BICD1: variants seen among roughly 807,000 people sequenced by gnomAD.
BICD1 encodes protein bicaudal D homolog 1.
BICD1 carries 35 observed loss-of-function variants against 92.5 expected under a neutral mutation model. The ratio of observed to expected loss-of-function variants is 0.38; its 90% CI spans 0.29 to 0.50. BICD1 has a LOEUF of 0.50. Ranked by LOEUF, BICD1 falls within the 20% of genes least tolerant of loss-of-function variation. The probability of loss-of-function intolerance (pLI) is 0.93; values close to 1 mark genes in which losing one functional copy is unlikely to be tolerated. For missense variants in BICD1, 950 were observed against 1,189.8 expected, an observed-to-expected ratio of 0.80 and a Z score of 2.97; for synonymous variants, 429 against 465.1, an observed-to-expected ratio of 0.92 and a Z score of 1.00.
chr12:32,303,080 G>T (rs540784386), intron 3 of BICD1, among the ~76,000 whole-genome samples: 24 of 151,694 alleles, frequency 1.6e-4, no homozygotes, highest in Non-Finnish European at 3.2e-4. Flanking sequence ...GACTATAGGT[G>T]CACGCCACCA....
intron 2 of BICD1, among the ~76,000 whole-genome samples, chr12:32,263,626 A>T (rs1439566621): frequency 6.6e-6 from 1 of 152,168 alleles, no homozygotes; most frequent in African/African-American, 2.4e-5. Context: ...AATGCATGCT[A>T]AATAATTATT....
At chr12:32,188,198 A>G (rs1184669550) in intron 1 of BICD1, among the ~76,000 whole-genome samples, 1 of 152,202 alleles carries the variant, frequency 6.6e-6, no homozygotes, top group Non-Finnish European at 1.5e-5. Flanking sequence ...TCGGCCTCCC[A>G]AAGTACTGGG....
chr12:32,254,849 T>C (rs564963176), intron 2 of BICD1, among the ~76,000 whole-genome samples: 2 of 152,316 alleles, frequency 1.3e-5, no homozygotes, highest in Non-Finnish European at 2.9e-5. Flanking sequence ...AATTAGTCTG[T>C]TTTGTTCTCC....
intron 1 of BICD1, among the ~76,000 whole-genome samples, chr12:32,166,007 A>T (rs942846341): frequency 2.6e-5 from 4 of 152,164 alleles, no homozygotes; most frequent in African/African-American, 9.7e-5. Flanking sequence ...TGATCATACT[A>T]TGAAGCAGAG....
At chr12:32,351,730 C>T (rs1372755982) in intron 8 of BICD1, among the ~76,000 whole-genome samples, 2 of 150,290 alleles carry the variant, frequency 1.3e-5, no homozygotes, top group Non-Finnish European at 3.0e-5. Context: ...TGGTAAAACC[C>T]CATCTCTACT....
intron 1 of BICD1, among the ~76,000 whole-genome samples, chr12:32,167,106 T>G (rs1392959621): frequency 2.0e-5 from 3 of 152,236 alleles, no homozygotes; most frequent in South Asian, 4.1e-4. Context: ...TTTAAGTCGA[T>G]TCAGGAAGCT....
In BICD1 at chr12:32,164,537, T is replaced by C. The variant is rs142185593; in HGVS notation, c.214-51710T>C. ...TTTAGACTGCAAAATTTCCACTGCA[T>C]GGAGGAAAGTAAATGGATTGGGATT... On this transcript the variant is annotated intron_variant, in intron 1 of 9. Transcript: ENST00000652176. Among the ~76,000 whole-genome samples, 516 of 152,318 alleles carry C rather than the reference T, an allele frequency of 3.4e-3. 3 individuals carry two copies. The highest frequency in any genetic ancestry group is 5.9e-3 in the Non-Finnish European group (400 of 68,018).
chr12:32,351,109 TAGTC>T (rs1453954159), intron 8 of BICD1, among the ~76,000 whole-genome samples: 2 of 151,558 alleles, frequency 1.3e-5, no homozygotes, highest in African/African-American at 4.9e-5. Flanking sequence ...GTGATTGAAT[TAGTC>T]AGTGATGGTT....
In BICD1 at chr12:32,112,415, T is replaced by C. The variant is rs180782756; in HGVS notation, c.213+4871T>C. Among the ~76,000 whole-genome samples, 12 of 152,360 alleles carry C rather than the reference T, an allele frequency of 7.9e-5. No homozygotes were observed. In the East Asian group the frequency reaches 2.3e-3, roughly 29 times the overall value. On this transcript the variant is annotated intron_variant, in intron 1 of 9. Coordinates refer to ENST00000652176, the MANE Select transcript of BICD1 (RefSeq NM_001714.4). Reference sequence around the variant, plus strand: ...CACATTCCCCATGTTTATGTGAACATGTATGACAGCGATGGTTTGAAGGTT... The same window carrying C: ...CACATTCCCCATGTTTATGTGAACACGTATGACAGCGATGGTTTGAAGGTT...
intron 1 of BICD1, among the ~76,000 whole-genome samples, chr12:32,191,089 A>G (rs1299843434): frequency 6.6e-6 from 1 of 152,188 alleles, no homozygotes; most frequent in Non-Finnish European, 1.5e-5. Flanking sequence ...AGCAAAAGCA[A>G]TTCTAAGAGG....
chr12:32,236,218 C>T (rs867756050), intron 2 of BICD1, among the ~76,000 whole-genome samples: 13 of 151,230 alleles, frequency 8.6e-5, no homozygotes, highest in South Asian at 2.1e-4. Context: ...CATAGTGAAA[C>T]CCCATCTCTA....
At chr12:32,238,453 T>C (rs1403263865) in intron 2 of BICD1, among the ~76,000 whole-genome samples, 1 of 152,112 alleles carries the variant, frequency 6.6e-6, no homozygotes, top group Non-Finnish European at 1.5e-5. Flanking sequence ...ACTGTGAAAG[T>C]TGTCGAAATG....
At chr12:32,129,887 A>T (rs1942478616) in intron 1 of BICD1, among the ~76,000 whole-genome samples, 1 of 152,228 alleles carries the variant, frequency 6.6e-6, no homozygotes, top group South Asian at 2.1e-4. Context: ...CCTAAGCAAG[A>T]TACAAAACTT....
intron 4 of BICD1, among the ~76,000 whole-genome samples, chr12:32,325,261 A>G (rs1011936265): frequency 3.3e-5 from 5 of 152,194 alleles, no homozygotes; most frequent in South Asian, 2.1e-4. Flanking sequence ...GAGACAAGAC[A>G]AGGCAACTAC....
chr12:32,327,420 C>T lies in BICD1; in HGVS notation c.1006-41C>T, dbSNP rs762815683. 24 of 1,546,736 alleles carry T rather than the reference C, an allele frequency of 1.6e-5. 1 individual carries two copies. In the African/African-American group the frequency reaches 3.1e-4, roughly 20 times the overall value. ...GAATGGATTAAGTTCATCATTGGTG[C>T]TGCCTTGAGGTGATTCAGAAACTTT... On this transcript the variant is annotated intron_variant, in intron 4 of 9. Transcript: ENST00000652176.
intron 1 of BICD1, among the ~76,000 whole-genome samples, chr12:32,116,848 G>A (rs1941934234): frequency 6.6e-6 from 1 of 151,974 alleles, no homozygotes; most frequent in Non-Finnish European, 1.5e-5. Context: ...CCAAAGTGTT[G>A]GGATTGTAGG....
chr12:32,253,653 C>CT (rs1201778151), intron 2 of BICD1, among the ~76,000 whole-genome samples: 4 of 152,132 alleles, frequency 2.6e-5, no homozygotes, highest in African/African-American at 9.7e-5. Flanking sequence ...TAGCACACTT[C>CT]TTTTTTATTT....
chr12:32,305,003 C>T (rs12228804), intron 3 of BICD1, among the ~76,000 whole-genome samples: 25,603 of 152,102 alleles, frequency 0.17, 2,747 homozygotes, highest in African/African-American at 0.3. Context: ...GTCTGGGCAA[C>T]AGAGCGAGAC....
At chr12:32,202,578 TATG>T (rs1323930368) in intron 1 of BICD1, among the ~76,000 whole-genome samples, 1 of 152,186 alleles carries the variant, frequency 6.6e-6, no homozygotes, top group Non-Finnish European at 1.5e-5. Flanking sequence ...GATGTCCAGT[TATG>T]ATGCAGATAT....
Sources: gnomAD v4.1 joint callset for allele counts (sites outside exome capture counted in the v4.1 genomes callset) on GRCh38, gnomAD v4.1.1 for gene constraint, MANE v1.5 for transcripts, NCBI Gene and HGNC (gene_info 2026-07-23, HGNC 2026-07-21) for gene names.